The following SLC39A12 variants were observed in gnomAD, a reference collection of about 807,000 sequenced individuals.
The protein encoded by SLC39A12 is zinc transporter ZIP12.
A neutral mutation model predicts 71.1 loss-of-function variants in SLC39A12; 63 were observed. The ratio of observed to expected loss-of-function variants is 0.89; its 90% CI spans 0.72 to 1.09. The LOEUF is 1.09. Ranked by LOEUF, SLC39A12 falls within the 50% of genes least tolerant of loss-of-function variation. SLC39A12 has a pLI of 0.00. For synonymous variants in SLC39A12, 351 were observed against 301.3 expected (o/e 1.16, Z -1.71); for missense variants, 892 against 812.6 (o/e 1.10, Z -1.19).
intron 12 of SLC39A12, among the ~76,000 whole-genome samples, chr10:18,018,059 G>C (rs1836432467): frequency 6.6e-6 from 1 of 152,120 alleles, no homozygotes. Context: ...GATATCATTT[G>C]TCAGAATTTT....
intron 12 of SLC39A12, among the ~76,000 whole-genome samples, chr10:18,032,969 T>A (rs10443981): frequency 0.57 from 83,304 of 145,030 alleles, 25,055 homozygotes; most frequent in Non-Finnish European, 0.67. Flanking sequence ...TTTGCGTATA[T>A]TGAACCAGCC....
intron 2 of SLC39A12, among the ~76,000 whole-genome samples, chr10:17,955,440 T>C (rs1834515599): frequency 6.6e-6 from 1 of 152,098 alleles, no homozygotes; most frequent in East Asian, 1.9e-4. Flanking sequence ...ATGTCTCCCA[T>C]CATTCATGAA....
chr10:17,984,027 A>G (rs917933237), intron 6 of SLC39A12, among the ~76,000 whole-genome samples: 13 of 152,222 alleles, frequency 8.5e-5, no homozygotes, highest in Non-Finnish European at 1.8e-4. Flanking sequence ...ATGGCCATGT[A>G]CAAATTAAGT....
intron 12 of SLC39A12, chr10:18,005,337 T>C (rs1835981443): frequency 6.6e-6 from 1 of 152,232 alleles, no homozygotes; most frequent in African/African-American, 2.4e-5. Flanking sequence ...CCAGCTTTGT[T>C]GTGACTTTGA....
chr10:18,019,573 C>A (rs571812552), intron 12 of SLC39A12, among the ~76,000 whole-genome samples: 3 of 152,128 alleles, frequency 2.0e-5, no homozygotes, highest in East Asian at 1.9e-4. Context: ...AGCACACTTT[C>A]ACTCTTATCT....
Position 17,989,926 on chromosome 10 carries a change from G to A in SLC39A12, c.1270-1225G>A, listed in dbSNP as rs914362104. 2.2e-4 allele frequency among the ~76,000 whole-genome samples: 33 copies of A among 152,024 alleles called. 1 individual carries two copies. The highest frequency in any genetic ancestry group is 2.1e-3 in the Admixed American group (32 of 15,254). ...ACTCTGTCTCACGAAAAAAAAAAGA[G>A]ACGAGGACGAAAGTTGTTGGAAAGA... On this transcript the variant is annotated intron_variant, in intron 7 of 12. Transcript: ENST00000377369.
At chr10:17,971,202 A>T (rs998936645) in intron 4 of SLC39A12, among the ~76,000 whole-genome samples, 1 of 144,530 alleles carries the variant, frequency 6.9e-6, no homozygotes, top group Admixed American at 7.2e-5. Flanking sequence ...GTTGAATTCA[A>T]TTGCTAGTAT....
At chr10:18,001,234 G>A (rs541471055) in intron 11 of SLC39A12, among the ~76,000 whole-genome samples, 6 of 152,184 alleles carry the variant, frequency 3.9e-5, no homozygotes, top group Non-Finnish European at 8.8e-5. Flanking sequence ...ATTAAAACCG[G>A]CCGGGCGCAG....
chr10:18,014,562 A>AT (rs1836324784), intron 12 of SLC39A12, among the ~76,000 whole-genome samples: 1 of 152,226 alleles, frequency 6.6e-6, no homozygotes, highest in African/African-American at 2.4e-5. Context: ...AGAAATCAAA[A>AT]TTTAGCTCAT....
chr10:18,023,551 G>C (rs943866110), intron 12 of SLC39A12, among the ~76,000 whole-genome samples: 18 of 151,842 alleles, frequency 1.2e-4, no homozygotes, highest in African/African-American at 4.3e-4. Context: ...CAATGGGAAT[G>C]TTCATTGTGG....
chr10:18,008,609 AG>A (rs1167958940), intron 12 of SLC39A12: 1 of 152,218 alleles, frequency 6.6e-6, no homozygotes, highest in East Asian at 1.9e-4. Context: ...GGTGCCAAAA[AG>A]GTTGTGGACC....
At chr10:17,983,827 A>G (rs1324471242) in intron 6 of SLC39A12, among the ~76,000 whole-genome samples, 3 of 152,256 alleles carry the variant, frequency 2.0e-5, no homozygotes, top group East Asian at 1.9e-4. Context: ...ACTGTCCTCA[A>G]TCGAAAATGT....
chr10:17,983,167 T>TC (rs1162472413), intron 6 of SLC39A12, among the ~76,000 whole-genome samples: 3 of 43,854 alleles, frequency 6.8e-5, no homozygotes, highest in African/African-American at 4.6e-4. Context: ...AGACTCCATC[T>TC]CAAAAAAAAA....
At chr10:17,969,600 T>G (rs1037086793) in intron 4 of SLC39A12, among the ~76,000 whole-genome samples, 9 of 152,230 alleles carry the variant, frequency 5.9e-5, no homozygotes, top group Non-Finnish European at 1.3e-4. Context: ...TTTTGAGACA[T>G]GTCTATTCAG....
At chr10:18,018,621 A>G (rs902546512) in intron 12 of SLC39A12, among the ~76,000 whole-genome samples, 2 of 152,164 alleles carry the variant, frequency 1.3e-5, no homozygotes, top group African/African-American at 4.8e-5. Context: ...CTTTTCCTAC[A>G]CCTATTGATA....
chr10:18,010,183 C>T (rs1281834118), intron 12 of SLC39A12, among the ~76,000 whole-genome samples: 1 of 152,158 alleles, frequency 6.6e-6, no homozygotes, highest in Non-Finnish European at 1.5e-5. Flanking sequence ...CAAAGATCTG[C>T]AATCACCAAG....
chr10:18,035,734 GAGT>G (rs1836987149), intron 12 of SLC39A12, among the ~76,000 whole-genome samples: 2 of 152,352 alleles, frequency 1.3e-5, no homozygotes, highest in African/African-American at 4.8e-5. Flanking sequence ...CTGCGTTTTA[GAGT>G]TTCCAGTTTT....
chr10:18,041,995 C>A (rs1837269235), intron 12 of SLC39A12, among the ~76,000 whole-genome samples: 2 of 151,474 alleles, frequency 1.3e-5, no homozygotes, highest in Admixed American at 1.3e-4. Flanking sequence ...CTCTCTCTCT[C>A]CTTTTCTTCC....
At chr10:17,988,816 G>C (rs1212357564) in intron 7 of SLC39A12, among the ~76,000 whole-genome samples, 1 of 152,188 alleles carries the variant, frequency 6.6e-6, no homozygotes, top group Non-Finnish European at 1.5e-5. Flanking sequence ...CTTCCCCACA[G>C]CTCCACGGCT....
Sources: gnomAD v4.1 joint callset for allele counts (sites outside exome capture counted in the v4.1 genomes callset) on GRCh38, gnomAD v4.1.1 for gene constraint, MANE v1.5 for transcripts, NCBI Gene and HGNC (gene_info 2026-07-23, HGNC 2026-07-21) for gene names.